The following PARD6B variants were observed in gnomAD, a reference collection of about 807,000 sequenced individuals.
PARD6B encodes the protein partitioning defective 6 homolog beta.
A neutral mutation model predicts 10.5 loss-of-function variants in PARD6B; 4 were observed. The observed-to-expected ratio is 0.38, with a 90% CI of 0.19 to 0.87. PARD6B has a LOEUF of 0.87. Among genes scored for constraint, PARD6B ranks in the 40% least tolerant of loss-of-function variants. The probability of loss-of-function intolerance (pLI) is 0.41; values close to 1 mark genes in which losing one functional copy is unlikely to be tolerated. For synonymous variants in PARD6B, 169 were observed against 170.4 expected (o/e 0.99, Z 0.07); for missense variants, 396 against 470.6 (o/e 0.84, Z 1.47).
chr20:50,731,832 A>C lies in PARD6B; in HGVS notation c.46A>C (p.Thr16Pro). 2.1e-6 allele frequency: 3 copies of C among 1,460,358 alleles called. No homozygotes were observed. In the South Asian group the frequency reaches 4.0e-5, roughly 19 times the overall value. The allele number at this position is 1,460,358 out of a possible 1,614,324, so 90.5% of individuals were successfully genotyped here. A position where few individuals can be genotyped will look rare whatever the true frequency, so the allele number is the denominator to read the frequency against. ...CGGGGCGGGCAGCGGCTGCCTGGGC[A>C]CTATGGAGGTGAAGAGCAAGGTGCG... ...RHGAGSGCLGTMEVKSKFGAE... is the reference protein window; with the variant it reads ...RHGAGSGCLGPMEVKSKFGAE... The change falls in exon 1 of 3, where the codon ACT (threonine) becomes CCT (proline). Residue 16 changes from threonine (T) to proline (P), a missense_variant. Physicochemically the swap from Thr to Pro is conservative, Grantham distance 38. Around this residue, in one of 2 missense-constraint regions of PARD6B, gnomAD observed 208 missense variants for 300.9 expected, o/e 0.69. Transcript: ENST00000371610.
chr20:50,734,380 T>G (rs1418420189), intron 1 of PARD6B, among the ~76,000 whole-genome samples: 3 of 151,950 alleles, frequency 2.0e-5, no homozygotes, highest in Non-Finnish European at 4.4e-5. Context: ...AGGATCTTGC[T>G]CTGTCACCCG....
intron 1 of PARD6B, among the ~76,000 whole-genome samples, chr20:50,736,369 A>G (rs1055250811): frequency 1.3e-5 from 2 of 152,212 alleles, no homozygotes; most frequent in East Asian, 1.9e-4. Context: ...CTGGGACATA[A>G]TATTTTTACA....
chr20:50,744,377 G>C (rs1325196451), intron 2 of PARD6B, among the ~76,000 whole-genome samples: 1 of 151,988 alleles, frequency 6.6e-6, no homozygotes, highest in African/African-American at 2.4e-5. Context: ...GCCTGCCAAA[G>C]TGCTGGGATT....
chr20:50,742,416 A>G (rs2087535988), intron 2 of PARD6B, among the ~76,000 whole-genome samples: 1 of 151,546 alleles, frequency 6.6e-6, no homozygotes, highest in Non-Finnish European at 1.5e-5. Context: ...CCCAGGCTAG[A>G]GTGCAGTGGT....
chr20:50,747,628 A>G (rs1431324807), intron 2 of PARD6B, among the ~76,000 whole-genome samples: 3 of 150,268 alleles, frequency 2.0e-5, no homozygotes, highest in African/African-American at 4.9e-5. Flanking sequence ...TGAAAATACT[A>G]TTTTAACTTT....
At chr20:50,734,443 C>A (rs984378450) in intron 1 of PARD6B, among the ~76,000 whole-genome samples, 13 of 152,024 alleles carry the variant, frequency 8.6e-5, no homozygotes, top group African/African-American at 2.9e-4. Flanking sequence ...ACCTCCTGAG[C>A]TCAAGCGATT....
chr20:50,731,721 C>G lies in PARD6B; in HGVS notation c.-66C>G, dbSNP rs1281538501. The G allele has an allele frequency of 7.4e-7, 1 of 1,355,928 alleles. No individual in the cohort carries two copies. Among genetic ancestry groups the G allele is most frequent in the Non-Finnish European group, 9.5e-7 (1 of 1,050,180 alleles). The allele number at this position is 1,355,928 out of a possible 1,614,324, so 84.0% of individuals were successfully genotyped here. On this transcript the variant is annotated 5_prime_UTR_variant, in exon 1 of 3. Coordinates refer to ENST00000371610, the MANE Select transcript of PARD6B (RefSeq NM_032521.3). ...GCTTTCCGAGATCCCCAGTCGCGCA[C>G]TCGCTCCCCGCGCTCCTGAGGGGCC...
rs1396225861 is a variant in PARD6B, at chr20:50,731,609, A to C, written c.-178A>C. 9 of 464,012 alleles carry C rather than the reference A, an allele frequency of 1.9e-5. No individual in the cohort carries two copies. In the East Asian group the frequency reaches 3.3e-4, roughly 17 times the overall value. 28.7% of individuals were successfully genotyped at this position (464,012 alleles called of 1,614,324 possible). A position where few individuals can be genotyped will look rare whatever the true frequency, so the allele number is the denominator to read the frequency against. ...CGACCCTCGGTCCCGCCGTGTGAGC[A>C]GCTGGTGGAGTGGAGCTCAGCGCGG... On this transcript the variant is annotated 5_prime_UTR_variant, in exon 1 of 3. Transcript: ENST00000371610.
intron 2 of PARD6B, among the ~76,000 whole-genome samples, chr20:50,749,134 G>C (rs577232568): frequency 1.3e-5 from 2 of 152,268 alleles, no homozygotes; most frequent in Admixed American, 1.3e-4. Flanking sequence ...ATGAGGTCAG[G>C]AAATCGAGAC....
Position 50,731,748 on chromosome 20 carries a change from C to T in PARD6B, c.-39C>T, listed in dbSNP as rs2087471922. 5 of 1,432,476 alleles carry T rather than the reference C, an allele frequency of 3.5e-6. No homozygotes were observed. The highest frequency in any genetic ancestry group is 3.1e-5 in the East Asian group (1 of 32,656). The allele number at this position is 1,432,476 out of a possible 1,614,324, so 88.7% of individuals were successfully genotyped here. ...CGCTCCCCGCGCTCCTGAGGGGCCG[C>T]CCGGCCGGAGGAGGCCGTCGCGGGG... On this transcript the variant is annotated 5_prime_UTR_variant, in exon 1 of 3. Coordinates refer to ENST00000371610, the MANE Select transcript of PARD6B (RefSeq NM_032521.3).
At position 50,750,966 on chromosome 20, in the gene PARD6B, T is replaced by A; in HGVS notation, c.*478T>A. ...ATATTTTATTTTGATTTTTTTTTTT[T>A]TTTTTTTTTTTTTTTTTTTTAGTGA... On this transcript the variant is annotated 3_prime_UTR_variant, in exon 3 of 3. Transcript: ENST00000371610. The A allele has an allele frequency of 2.8e-6, 1 of 359,812 alleles. No individual in the cohort carries two copies. Among genetic ancestry groups the A allele is most frequent in the Non-Finnish European group, 3.3e-6 (1 of 300,380 alleles). The allele number at this position is 359,812 out of a possible 1,614,324, so 22.3% of individuals were successfully genotyped here. A position where few individuals can be genotyped will look rare whatever the true frequency, so the allele number is the denominator to read the frequency against.
At chr20:50,742,122 C>T (rs11697683) in intron 2 of PARD6B, among the ~76,000 whole-genome samples, 46,181 of 151,964 alleles carry the variant, frequency 0.3, 8,564 homozygotes, top group East Asian at 0.63. Context: ...GCGTGACCTC[C>T]ACTCACTGCA....
At position 50,732,004 on chromosome 20, in the gene PARD6B, C is replaced by A. The variant is rs1230375428; in HGVS notation, c.66+152C>A. The A allele has an allele frequency of 7.3e-6, 4 of 549,510 alleles. No homozygotes were observed. In the East Asian group the frequency reaches 1.5e-4, roughly 20 times the overall value. 34.0% of individuals were successfully genotyped at this position (549,510 alleles called of 1,614,324 possible). On this transcript the variant is annotated intron_variant, in intron 1 of 2. Transcript: ENST00000371610. ...CGGGAGACTGTGGGTAATAAACTTG[C>A]CGAGGAGGGGGTGGCGGGGGTCAGG...
chr20:50,750,424 A>T lies in PARD6B; in HGVS notation c.1055A>T (p.Glu352Val). The T allele has an allele frequency of 6.2e-7, 1 of 1,614,202 alleles. No homozygotes were observed. Among genetic ancestry groups the T allele is most frequent in the Non-Finnish European group, 8.5e-7 (1 of 1,180,028 alleles). The change falls in exon 3 of 3, where the codon GAA becomes GTA. Residue 352 changes from glutamate to valine, a missense_variant. Transcript: ENST00000371610. ...GCCATAGCAAGCAGCTCAAACACGG[A>T]ATTTGAAACACATGCTCCAGATCAA... ...LAAIASSSNT[E>V]FETHAPDQKL...
chr20:50,745,238 T>C (rs1274910409), intron 2 of PARD6B, among the ~76,000 whole-genome samples: 3 of 152,154 alleles, frequency 2.0e-5, no homozygotes, highest in Admixed American at 2.0e-4. Context: ...GCCACCAGCC[T>C]GACCAACATG....
At position 50,752,270 on chromosome 20, in the gene PARD6B, A is replaced by G; in HGVS notation, c.*1782A>G. 1.0e-6 allele frequency: 1 copy of G among 985,784 alleles called. No homozygotes were observed. The highest frequency in any genetic ancestry group is 1.2e-6 in the Non-Finnish European group (1 of 829,918). The allele number at this position is 985,784 out of a possible 1,614,324, so 61.1% of individuals were successfully genotyped here. On this transcript the variant is annotated 3_prime_UTR_variant, in exon 3 of 3. Coordinates refer to ENST00000371610, the MANE Select transcript of PARD6B (RefSeq NM_032521.3). ...CATCCAAGTATGCATCATTTTGGATAAAAAATACATCCAAATTAAGATGTT... is the reference window on the plus strand; with the variant it reads ...CATCCAAGTATGCATCATTTTGGATGAAAAATACATCCAAATTAAGATGTT...
At chr20:50,747,446 TTTGTTG>T (rs142047821) in intron 2 of PARD6B, among the ~76,000 whole-genome samples, 1 of 150,474 alleles carries the variant, frequency 6.6e-6, no homozygotes, top group Non-Finnish European at 1.5e-5. Flanking sequence ...CCATTTATTT[TTTGTTG>T]TTGTCTTTTC....
intron 2 of PARD6B, among the ~76,000 whole-genome samples, chr20:50,744,819 C>T (rs1197358197): frequency 2.0e-5 from 3 of 152,168 alleles, no homozygotes; most frequent in African/African-American, 7.2e-5. Context: ...CCTTGCCTTA[C>T]TCCTACAAGC....
chr20:50,735,081 C>T (rs1158318626), intron 1 of PARD6B, among the ~76,000 whole-genome samples: 5 of 151,992 alleles, frequency 3.3e-5, no homozygotes, highest in Non-Finnish European at 4.4e-5. Flanking sequence ...ACCTGGGAGG[C>T]GGAGGTTGCA....
Sources: gnomAD v4.1 joint callset for allele counts (sites outside exome capture counted in the v4.1 genomes callset) on GRCh38, gnomAD v4.1.1 for gene constraint, gnomAD v4.1.1 regional missense constraint, MANE v1.5 for transcripts, NCBI Gene and HGNC (gene_info 2026-07-23, HGNC 2026-07-21) for gene names.